PLOD2: variants seen among roughly 807,000 people sequenced by gnomAD.
PLOD2 encodes lysine hydroxylase 2.
PLOD2 carries 65 observed loss-of-function variants against 101.0 expected under a neutral mutation model. The observed-to-expected ratio is 0.64, with a 90% CI of 0.53 to 0.79. The LOEUF (loss-of-function observed/expected upper bound fraction) is 0.79. Ranked by LOEUF, PLOD2 falls within the 30% of genes least tolerant of loss-of-function variation. The pLI is 0.00. For synonymous variants in PLOD2, 314 were observed against 302.9 expected (o/e 1.04, Z -0.38); for missense variants, 909 against 914.6 (o/e 0.99, Z 0.08).
chr3:146,138,015 C>G (rs1393000435), intron 1 of PLOD2, among the ~76,000 whole-genome samples: 1 of 151,964 alleles, frequency 6.6e-6, no homozygotes, highest in East Asian at 1.9e-4. Context: ...GAGAGGGATT[C>G]GTGTTTTCAT....
rs946501673 is a variant in PLOD2, at chr3:146,109,285, G to A, written c.502+1000C>T. On this transcript the variant is annotated intron_variant, in intron 4 of 19. Coordinates refer to ENST00000282903, the MANE Select transcript of PLOD2 (RefSeq NM_182943.3). ...AGGAAAAGAGATTTCAAACCAGGCA[G>A]TGCAAACTGGAATTTAAGGTTTCAA... is the stretch of plus-strand genomic sequence containing the variant. 1.2e-4 allele frequency among the ~76,000 whole-genome samples: 19 copies of A among 152,328 alleles called. No individual in the cohort carries two copies. In the East Asian group the frequency reaches 1.7e-3, roughly 14 times the overall value.
chr3:146,108,292 C>T (rs913523726), intron 4 of PLOD2, among the ~76,000 whole-genome samples: 2 of 152,040 alleles, frequency 1.3e-5, no homozygotes, highest in Admixed American at 6.6e-5. Context: ...ACAATCTCCT[C>T]ACCTCAGTCT....
intron 3 of PLOD2, among the ~76,000 whole-genome samples, chr3:146,111,018 T>G (rs1432256592): frequency 1.8e-5 from 2 of 111,888 alleles, no homozygotes; most frequent in East Asian, 6.3e-4. Context: ...AAAATTTTTG[T>G]AAAAACTGAC....
chr3:146,150,027 T>C (rs1241713366), intron 1 of PLOD2, among the ~76,000 whole-genome samples: 2 of 152,124 alleles, frequency 1.3e-5, no homozygotes, highest in Non-Finnish European at 2.9e-5. Context: ...TGCAAACACA[T>C]GTAGAACAAA....
At chr3:146,159,933 T>G (rs563975732) in intron 1 of PLOD2, among the ~76,000 whole-genome samples, 2 of 152,334 alleles carry the variant, frequency 1.3e-5, no homozygotes, top group South Asian at 4.1e-4. Context: ...TGAATGTAAC[T>G]CTGAAATAGA....
Position 146,086,889 on chromosome 3 carries a change from T to G in PLOD2, c.1025A>C (p.Asp342Ala). ...AGCTTTATCAAAAAATACCTTGATGTCCTTTTCATGATAAACTTCCTGTAA... is the reference window on the plus strand; with the variant it reads ...AGCTTTATCAAAAAATACCTTGATGGCCTTTTCATGATAAACTTCCTGTAA... The part of the protein sequence containing the change: ...IHNKEVYHEK[D>A]IKVFFDKAKH... The change falls in exon 10 of 20, where the codon GAC (aspartate) becomes GCC (alanine). Residue 342 changes from aspartate (D) to alanine (A), a missense_variant. By Grantham distance (126) the Asp-to-Ala change is moderately radical (BLOSUM62 -2). Coordinates refer to ENST00000282903, the MANE Select transcript of PLOD2 (RefSeq NM_182943.3). 6.6e-7 allele frequency: 1 copy of G among 1,511,146 alleles called. No homozygotes were observed. The highest frequency in any genetic ancestry group is 1.2e-5 in the South Asian group (1 of 83,060). 93.6% of individuals were successfully genotyped at this position (1,511,146 alleles called of 1,614,324 possible).
At chr3:146,144,006 G>T (rs1374238625) in intron 1 of PLOD2, among the ~76,000 whole-genome samples, 1 of 151,942 alleles carries the variant, frequency 6.6e-6, no homozygotes, top group Admixed American at 6.6e-5. Context: ...TCAGCTAAGA[G>T]CGTTTATACT....
chr3:146,154,474 C>CAAA (rs35748974), intron 1 of PLOD2, among the ~76,000 whole-genome samples: 6 of 140,944 alleles, frequency 4.3e-5, no homozygotes, highest in Non-Finnish European at 9.3e-5. Flanking sequence ...AAAAGAACAG[C>CAAA]AAAAAAAAAA....
intron 4 of PLOD2, among the ~76,000 whole-genome samples, chr3:146,109,591 T>G (rs1212806484): frequency 6.6e-6 from 1 of 152,228 alleles, no homozygotes; most frequent in African/African-American, 2.4e-5. Context: ...TTCTCTAACA[T>G]GTCCTTCATC....
At chr3:146,155,480 A>AG (rs1489047946) in intron 1 of PLOD2, among the ~76,000 whole-genome samples, 1 of 151,770 alleles carries the variant, frequency 6.6e-6, no homozygotes, top group African/African-American at 2.4e-5. Flanking sequence ...TGGGAAGCCG[A>AG]GGGGGTTGGA....
At chr3:146,079,082 G>T in intron 13 of PLOD2, 34 bp downstream of exon 13, 1 of 1,604,356 alleles carries the variant, frequency 6.2e-7, no homozygotes, top group Non-Finnish European at 8.5e-7. Context: ...CATCTTATAA[G>T]AACATTCAAG....
intron 9 of PLOD2, 129 bp downstream of exon 9, chr3:146,088,457 G>A: frequency 3.0e-6 from 2 of 657,964 alleles, no homozygotes; most frequent in South Asian, 3.8e-5. Flanking sequence ...AAAAAGGCAG[G>A]GCTGTAATTA....
At chr3:146,139,511 T>A (rs956717929) in intron 1 of PLOD2, among the ~76,000 whole-genome samples, 2 of 152,182 alleles carry the variant, frequency 1.3e-5, no homozygotes, top group African/African-American at 4.8e-5. Context: ...GGTAGCGTTA[T>A]AAACGCCAAC....
intron 1 of PLOD2, among the ~76,000 whole-genome samples, chr3:146,131,378 G>A (rs765385716): frequency 1.3e-5 from 2 of 152,130 alleles, no homozygotes; most frequent in South Asian, 2.1e-4. Context: ...GGGGATGTCC[G>A]ACATATTATC....
intron 6 of PLOD2, 139 bp downstream of exon 6, chr3:146,104,140 T>C: frequency 1.4e-6 from 1 of 690,402 alleles, no homozygotes; most frequent in East Asian, 2.6e-5. Flanking sequence ...GTCTAGTATT[T>C]TTGTTAAGTT....
intron 1 of PLOD2, among the ~76,000 whole-genome samples, chr3:146,129,636 A>C (rs2030788997): frequency 6.6e-6 from 1 of 152,148 alleles, no homozygotes; most frequent in South Asian, 2.1e-4. Context: ...AGCATCTCAC[A>C]CATATATTCA....
intron 1 of PLOD2, among the ~76,000 whole-genome samples, chr3:146,132,134 C>A (rs550167164): frequency 6.6e-6 from 1 of 152,194 alleles, no homozygotes; most frequent in South Asian, 2.1e-4. Context: ...ACAGACAAAC[C>A]ACAAATTAAG....
Position 146,071,259 on chromosome 3 carries a change from G to A in PLOD2, c.1995+18C>T, listed in dbSNP as rs1576567978. 6.2e-7 allele frequency: 1 copy of A among 1,611,650 alleles called. No individual in the cohort carries two copies. Among genetic ancestry groups the A allele is most frequent in the East Asian group, 2.2e-5 (1 of 44,776 alleles). ...AAAATGGGTAAGAAATAGGCTGGAG[G>A]GGTGAGAGGATAACTACCTTCGTAT... On this transcript the variant is annotated intron_variant, in intron 18 of 19. Transcript: ENST00000282903.
In PLOD2 at chr3:146,147,488, C is replaced by G. The variant is rs141556414; in HGVS notation, c.109+13393G>C. Among the ~76,000 whole-genome samples, 385 of 152,248 alleles carry G rather than the reference C, an allele frequency of 2.5e-3. 2 individuals are homozygous for G. The highest frequency in any genetic ancestry group is 8.9e-3 in the African/African-American group (371 of 41,542). On this transcript the variant is annotated intron_variant, in intron 1 of 19. Coordinates refer to ENST00000282903, the MANE Select transcript of PLOD2 (RefSeq NM_182943.3). Reference sequence around the variant, plus strand: ...AGACTGTAGCAGAGTTTCCCAACTTCAGCACTATTGACATTTGGGGCCAGA... The same window carrying G: ...AGACTGTAGCAGAGTTTCCCAACTTGAGCACTATTGACATTTGGGGCCAGA...
Sources: allele counts gnomAD v4.1 joint callset (sites outside exome capture counted in the v4.1 genomes callset), GRCh38; gene constraint gnomAD v4.1.1; transcripts MANE v1.5; gene names NCBI Gene and HGNC (gene_info 2026-07-23, HGNC 2026-07-21).